The following CYRIB variants were observed in gnomAD, a reference collection of about 807,000 sequenced individuals.
CYRIB encodes CYFIP related Rac1 interactor B, also known as CYFIP-related Rac1 interactor B.
Under a neutral mutation model 44.2 loss-of-function variants are expected in CYRIB, and 8 were observed. The ratio of observed to expected loss-of-function variants is 0.18; its 90% CI spans 0.11 to 0.33. The LOEUF (loss-of-function observed/expected upper bound fraction) is 0.33, where lower values mean the gene tolerates loss of function less well. CYRIB is among the 10% of genes least tolerant of loss of function. CYRIB has a pLI of 1.00. For synonymous variants in CYRIB, 131 were observed against 127.2 expected, an observed-to-expected ratio of 1.03 and a Z score of -0.20; for missense variants, 185 against 382.8, an observed-to-expected ratio of 0.48 and a Z score of 4.31.
intron 2 of CYRIB, among the ~76,000 whole-genome samples, chr8:129,967,103 C>A (rs2095505647): frequency 6.6e-6 from 1 of 152,076 alleles, no homozygotes; most frequent in Admixed American, 6.6e-5. Context: ...CGAGGCCCTA[C>A]CTCAAAAATA....
intron 1 of CYRIB, among the ~76,000 whole-genome samples, chr8:129,909,069 G>C (rs1019754941): frequency 3.3e-5 from 5 of 152,088 alleles, no homozygotes; most frequent in Admixed American, 2.6e-4. Context: ...TGGGATCACA[G>C]GCATGAGCCA....
intron 2 of CYRIB, among the ~76,000 whole-genome samples, chr8:129,880,143 G>A (rs1015136594): frequency 2.0e-5 from 3 of 152,140 alleles, no homozygotes; most frequent in Non-Finnish European, 2.9e-5. Flanking sequence ...CTTGCTTCAT[G>A]GACTAATGAA....
rs373337820 is a variant in CYRIB at position 130,010,656 on chromosome 8, C to T, written c.-296+5714G>A. Among the ~76,000 whole-genome samples, 200 of 152,332 alleles carry T rather than the reference C, an allele frequency of 1.3e-3. 1 individual carries two copies. In the Middle Eastern group the frequency reaches 0.02, roughly 16 times the overall value. ...CACCCCTTCCTGCTCCCACTGTCAC[C>T]TGTCCTGAGGTCCATCCTAGGCCTT... On this transcript the variant is annotated intron_variant, in intron 1 of 14. Transcript: ENST00000401979.
intron 1 of CYRIB, among the ~76,000 whole-genome samples, chr8:129,999,457 G>C (rs979163719): frequency 2.6e-5 from 4 of 152,224 alleles, no homozygotes; most frequent in Non-Finnish European, 5.9e-5. Flanking sequence ...CGTGCGCCAC[G>C]CACCCAAGGA....
At chr8:129,872,066 A>G (rs962574626) in intron 3 of CYRIB, among the ~76,000 whole-genome samples, 1 of 152,104 alleles carries the variant, frequency 6.6e-6, no homozygotes, top group Non-Finnish European at 1.5e-5. Context: ...CATATATGAT[A>G]TTATAGGTTA....
chr8:130,002,252 G>C (rs1029303767), intron 1 of CYRIB, among the ~76,000 whole-genome samples: 1 of 152,112 alleles, frequency 6.6e-6, no homozygotes, highest in South Asian at 2.1e-4. Context: ...TTTCCGCTCA[G>C]AAGTTCTAGA....
At chr8:129,981,378 T>C (rs542168010) in intron 1 of CYRIB, among the ~76,000 whole-genome samples, 69 of 152,306 alleles carry the variant, frequency 4.5e-4, no homozygotes, top group African/African-American at 1.7e-3. Context: ...ATTGAACTCC[T>C]GGACTCAAAA....
chr8:129,863,501 G>T (rs999262448), intron 4 of CYRIB, among the ~76,000 whole-genome samples: 3 of 151,524 alleles, frequency 2.0e-5, no homozygotes, highest in Non-Finnish European at 2.9e-5. Flanking sequence ...CTCTAGCCTG[G>T]GTGATAGAGC....
At chr8:129,842,659 T>C (rs2037094608) in intron 11 of CYRIB, among the ~76,000 whole-genome samples, 1 of 152,242 alleles carries the variant, frequency 6.6e-6, no homozygotes, top group Non-Finnish European at 1.5e-5. Context: ...TGTGTTATTG[T>C]GGAAATTCTA....
chr8:130,002,449 GAAGAA>G (rs2096928516), intron 1 of CYRIB, among the ~76,000 whole-genome samples: 1 of 152,144 alleles, frequency 6.6e-6, no homozygotes, highest in South Asian at 2.1e-4. Flanking sequence ...CAACAGAAGA[GAAGAA>G]AAGAAGAGGA....
chr8:129,963,423 C>T (rs1438960954), intron 2 of CYRIB, among the ~76,000 whole-genome samples: 1 of 152,192 alleles, frequency 6.6e-6, no homozygotes, highest in Admixed American at 6.5e-5. Context: ...ACCATCCTTC[C>T]AGGCACTCAC....
chr8:129,881,698 G>C (rs1285949014), intron 2 of CYRIB, among the ~76,000 whole-genome samples: 1 of 152,176 alleles, frequency 6.6e-6, no homozygotes, highest in Non-Finnish European at 1.5e-5. Context: ...TCCCCCAATG[G>C]GGGAGGTGGA....
intron 1 of CYRIB, among the ~76,000 whole-genome samples, chr8:129,997,118 G>A (rs2096791035): frequency 8.7e-6 from 1 of 115,536 alleles, no homozygotes; most frequent in Non-Finnish European, 1.7e-5. Context: ...AGGAAGGAAG[G>A]AAGGAGGAGG....
At position 129,854,848 on chromosome 8, in the gene CYRIB, T is replaced by C. The variant is rs547003517; in HGVS notation, c.439-505A>G. Among the ~76,000 whole-genome samples the C allele has an allele frequency of 3.3e-5, 5 of 152,006 alleles. No individual in the cohort carries two copies. In the South Asian group the frequency reaches 1.0e-3, roughly 32 times the overall value. On this transcript the variant is annotated intron_variant, in intron 6 of 11. Coordinates refer to ENST00000519824, the Ensembl canonical transcript of CYRIB. ...CATGACTAGGGTTACTGTGGCAGAGTATAAACTGGAACTCAGGTCTCTTGA... is the reference window on the plus strand; with the variant it reads ...CATGACTAGGGTTACTGTGGCAGAGCATAAACTGGAACTCAGGTCTCTTGA...
chr8:129,938,866 TAC>T lies in CYRIB; in HGVS notation c.-50+740_-50+741del, dbSNP rs143408219. Among the ~76,000 whole-genome samples, 63 of 151,324 alleles carry T rather than the reference TAC, an allele frequency of 4.2e-4. 1 individual carries two copies. The highest frequency in any genetic ancestry group is 1.4e-3 in the African/African-American group (58 of 41,324). On this transcript the variant is annotated intron_variant, in intron 1 of 11. Transcript: ENST00000519824. Reference sequence around the variant, plus strand: ...AGAATAGCCATGAGGTTAAAACACATACACACACACACACAGCAATTGCCACT... The same window carrying T: ...AGAATAGCCATGAGGTTAAAACACATACACACACACACAGCAATTGCCACT...
intron 1 of CYRIB, among the ~76,000 whole-genome samples, chr8:129,984,510 C>T (rs760448043): frequency 1.9e-4 from 29 of 152,060 alleles, no homozygotes; most frequent in Non-Finnish European, 3.5e-4. Context: ...CCACATGATA[C>T]TGGGGGCAGG....
intron 1 of CYRIB, among the ~76,000 whole-genome samples, chr8:130,009,157 G>C (rs2134336148): frequency 6.6e-6 from 1 of 152,304 alleles, no homozygotes; most frequent in South Asian, 2.1e-4. Context: ...GATCTCCTTG[G>C]CTCCAAGGTC....
At chr8:129,898,776 G>C (rs2069688534) in intron 2 of CYRIB, among the ~76,000 whole-genome samples, 1 of 152,144 alleles carries the variant, frequency 6.6e-6, no homozygotes, top group Non-Finnish European at 1.5e-5. Flanking sequence ...ATCTCTTACA[G>C]TGCTAAAAAG....
intron 1 of CYRIB, among the ~76,000 whole-genome samples, chr8:129,978,315 G>C (rs190644633): frequency 2.0e-5 from 3 of 152,244 alleles, no homozygotes; most frequent in Admixed American, 6.5e-5. Flanking sequence ...TTTAATATTC[G>C]ATCAGCCAAG....
Sources: gnomAD v4.1 joint callset for allele counts (sites outside exome capture counted in the v4.1 genomes callset) on GRCh38, gnomAD v4.1.1 for gene constraint, MANE v1.5 for transcripts, NCBI Gene and HGNC (gene_info 2026-07-23, HGNC 2026-07-21) for gene names.